Variants in PDE1C observed in about 807,000 individuals in gnomAD.
PDE1C encodes phosphodiesterase 1C.
A neutral mutation model predicts 93.1 loss-of-function variants in PDE1C; 62 were observed. The ratio of observed to expected loss-of-function variants is 0.67; its 90% CI spans 0.54 to 0.82. The LOEUF (loss-of-function observed/expected upper bound fraction) is 0.82. PDE1C is among the 40% of genes least tolerant of loss of function. The pLI is 0.00. For missense variants in PDE1C, 742 were observed against 884.6 expected, an observed-to-expected ratio of 0.84 and a Z score of 2.04; for synonymous variants, 325 against 310.1, an observed-to-expected ratio of 1.05 and a Z score of -0.50.
At chr7:31,696,451 G>A in the PDE1C span, among the ~76,000 whole-genome samples, 1 of 152,184 alleles carries the variant, frequency 6.6e-6, no homozygotes, top group Admixed American at 6.5e-5. Flanking sequence ...AAAATTTTAT[G>A]CAAGAGGCTG....
At chr7:32,300,633 C>T (rs545746816), upstream of PDE1C, among the ~76,000 whole-genome samples, 8 of 152,280 alleles carry the variant, frequency 5.3e-5, no homozygotes, top group South Asian at 1.5e-3. Flanking sequence ...TGCATAAAAC[C>T]TAGGCACAGT....
chr7:31,673,153 G>A, the PDE1C span, among the ~76,000 whole-genome samples: 1 of 151,980 alleles, frequency 6.6e-6, no homozygotes, highest in Non-Finnish European at 1.5e-5. Flanking sequence ...TAATACAGTG[G>A]GGAAAAAAAG....
chr7:31,678,724 A>C, the PDE1C span, among the ~76,000 whole-genome samples: 1 of 152,218 alleles, frequency 6.6e-6, no homozygotes, highest in African/African-American at 2.4e-5. Context: ...GGTCACCAAA[A>C]GTATAAACAG....
chr7:31,817,516 G>A (rs1327889437), intron 14 of PDE1C, among the ~76,000 whole-genome samples: 1 of 152,140 alleles, frequency 6.6e-6, no homozygotes, highest in Non-Finnish European at 1.5e-5. Flanking sequence ...ACACATAACA[G>A]AGCCCAATCC....
At chr7:31,995,189 TG>T (rs1183647303) in intron 2 of PDE1C, among the ~76,000 whole-genome samples, 1 of 152,198 alleles carries the variant, frequency 6.6e-6, no homozygotes, top group African/African-American at 2.4e-5. Context: ...GAGTACTTCC[TG>T]TATTCCCTTT....
chr7:31,630,260 A>AAC, the PDE1C span, among the ~76,000 whole-genome samples: 1 of 151,636 alleles, frequency 6.6e-6, no homozygotes, highest in Non-Finnish European at 1.5e-5. Context: ...AAAAAAAAAA[A>AAC]AACATTGAAA....
intron 2 of PDE1C, among the ~76,000 whole-genome samples, chr7:32,207,188 G>A (rs1805636649): frequency 6.6e-6 from 1 of 152,036 alleles, no homozygotes; most frequent in South Asian, 2.1e-4. Flanking sequence ...CCCACTCCCA[G>A]ATCTCTGCTG....
chr7:32,149,658 C>T (rs998444342), intron 3 of PDE1C, among the ~76,000 whole-genome samples: 4 of 151,974 alleles, frequency 2.6e-5, no homozygotes, highest in South Asian at 2.1e-4. Flanking sequence ...AAATGTTGGG[C>T]GGGTTATAAT....
intron 3 of PDE1C, among the ~76,000 whole-genome samples, chr7:32,086,095 C>G (rs1266909224): frequency 6.6e-6 from 1 of 150,988 alleles, no homozygotes; most frequent in Non-Finnish European, 1.5e-5. Context: ...GATTGTATAT[C>G]TAGAAAACCC....
At chr7:31,926,929 C>T (rs147575666) in intron 2 of PDE1C, among the ~76,000 whole-genome samples, 1,590 of 141,160 alleles carry the variant, frequency 0.011, 15 homozygotes, top group Non-Finnish European at 0.019. Context: ...TTGTTTTGTA[C>T]CCCAGTGGCG....
At chr7:32,227,204 G>A (rs1807350553) in intron 1 of PDE1C, among the ~76,000 whole-genome samples, 1 of 152,136 alleles carries the variant, frequency 6.6e-6, no homozygotes, top group Non-Finnish European at 1.5e-5. Flanking sequence ...TTGGGGAGAA[G>A]TTATGGGTAG....
chr7:32,142,147 G>C (rs2128781263), intron 3 of PDE1C, among the ~76,000 whole-genome samples: 1 of 151,824 alleles, frequency 6.6e-6, no homozygotes, highest in South Asian at 2.1e-4. Flanking sequence ...AGAAGAAGGA[G>C]AAAGTGATAG....
At chr7:31,696,886 C>A in the PDE1C span, 1 of 1,475,182 alleles carries the variant, frequency 6.8e-7, no homozygotes, top group Non-Finnish European at 9.2e-7. Context: ...CACCAGATGT[C>A]TATAAATATG....
chr7:32,362,902 A>G (rs1211969536), intron 1 of PDE1C, among the ~76,000 whole-genome samples: 2 of 152,256 alleles, frequency 1.3e-5, no homozygotes, highest in Admixed American at 6.5e-5. Flanking sequence ...GGAAGACCCA[A>G]GTACACATGA....
chr7:31,662,023 T>C, the PDE1C span, among the ~76,000 whole-genome samples: 1 of 152,226 alleles, frequency 6.6e-6, no homozygotes, highest in Non-Finnish European at 1.5e-5. Flanking sequence ...CATTTCCTTC[T>C]CTAAACCAGC....
intron 1 of PDE1C, among the ~76,000 whole-genome samples, chr7:32,372,212 C>A (rs910291285): frequency 3.9e-5 from 6 of 152,080 alleles, no homozygotes; most frequent in African/African-American, 1.2e-4. Flanking sequence ...TGCCACCACA[C>A]CTGGCTAGCT....
intron 1 of PDE1C, among the ~76,000 whole-genome samples, chr7:32,420,628 G>A (rs888494236): frequency 6.6e-6 from 1 of 151,568 alleles, no homozygotes; most frequent in East Asian, 2.0e-4. Flanking sequence ...ATTTGAGTAA[G>A]ATTGTAATTG....
At chr7:31,775,819 G>A (rs1795789871) in intron 16 of PDE1C, 87 bp from the exon 17 acceptor site, 1 of 1,128,622 alleles carries the variant, frequency 8.9e-7, no homozygotes, top group South Asian at 1.3e-5. Flanking sequence ...ATGTTATCAA[G>A]TTGGGGTCTG....
intron 2 of PDE1C, among the ~76,000 whole-genome samples, chr7:32,171,663 G>A (rs963658351): frequency 6.6e-6 from 1 of 150,400 alleles, no homozygotes; most frequent in Non-Finnish European, 1.5e-5. Context: ...CATTTACATT[G>A]TATTAGGTAT....
Sources: gnomAD v4.1 joint callset for allele counts (sites outside exome capture counted in the v4.1 genomes callset) on GRCh38, gnomAD v4.1.1 for gene constraint, MANE v1.5 for transcripts, NCBI Gene and HGNC (gene_info 2026-07-23, HGNC 2026-07-21) for gene names.